EHD2: variants seen among roughly 807,000 people sequenced by gnomAD.
EHD2 encodes EH domain containing 2.
EHD2 carries 27 observed loss-of-function variants against 41.0 expected under a neutral mutation model. That is an observed-to-expected ratio of 0.66 (90% CI 0.49 to 0.91). The LOEUF (loss-of-function observed/expected upper bound fraction) is 0.91. Ranked by LOEUF, EHD2 falls within the 40% of genes least tolerant of loss-of-function variation. The probability of loss-of-function intolerance (pLI) is 0.00; values close to 1 mark genes in which losing one functional copy is unlikely to be tolerated. For synonymous variants in EHD2, 342 were observed against 341.0 expected, an observed-to-expected ratio of 1.00 and a Z score of -0.03; for missense variants, 673 against 773.9, an observed-to-expected ratio of 0.87 and a Z score of 1.55.
chr19:47,726,787 C>T (rs1973757997), intron 4 of EHD2, among the ~76,000 whole-genome samples: 1 of 152,148 alleles, frequency 6.6e-6, no homozygotes, highest in African/African-American at 2.4e-5. Flanking sequence ...AGTGATCCTT[C>T]CTCCTTAGCC....
chr19:47,740,765 A>G (rs1966977565), intron 5 of EHD2, 116 bp from the exon 6 acceptor site: 1 of 1,160,762 alleles, frequency 8.6e-7, no homozygotes, highest in Non-Finnish European at 1.2e-6. Context: ...ACAACAGTAA[A>G]AAAACCCCAC....
intron 1 of EHD2, 100 bp from the exon 2 acceptor site, chr19:47,716,458 C>T: frequency 1.3e-6 from 1 of 755,122 alleles, no homozygotes; most frequent in Middle Eastern, 3.6e-4. Flanking sequence ...TGCTCCTCCT[C>T]CTCCTCCACC....
intron 5 of EHD2, among the ~76,000 whole-genome samples, chr19:47,738,256 A>G (rs1314258966): frequency 6.6e-6 from 1 of 152,102 alleles, no homozygotes. Context: ...TGCACTGTCC[A>G]GTATGGTAGC....
At chr19:47,733,869 C>T (rs941252584) in intron 4 of EHD2, among the ~76,000 whole-genome samples, 4 of 151,860 alleles carry the variant, frequency 2.6e-5, no homozygotes, top group African/African-American at 7.3e-5. Context: ...CCACAGGAAC[C>T]CCCGAAAGGA....
intron 3 of EHD2, among the ~76,000 whole-genome samples, chr19:47,723,037 C>T (rs566041293): frequency 1.3e-5 from 2 of 152,330 alleles, no homozygotes; most frequent in South Asian, 4.1e-4. Context: ...CTTCGTCCTC[C>T]GGGTTCCCAC....
intron 4 of EHD2, among the ~76,000 whole-genome samples, chr19:47,733,920 A>G (rs1056524583): frequency 2.0e-5 from 3 of 152,152 alleles, no homozygotes; most frequent in South Asian, 2.1e-4. Flanking sequence ...CACTTCGTGA[A>G]TTGCTGCTGT....
intron 2 of EHD2, 24 bp downstream of exon 2, chr19:47,717,040 C>T (rs895907539): frequency 1.3e-5 from 20 of 1,598,200 alleles, no homozygotes; most frequent in African/African-American, 5.3e-5. Context: ...GAGCCCAGGG[C>T]GCATCTTTCT....
In EHD2 at chr19:47,731,267, T is replaced by TAAAAAAA. The variant is rs1168747038; in HGVS notation, c.915+5050_915+5056dup. ...TCAGCAGTCTAAATTTGTGATTCTTTAAAAAAAAAAAAATATATATATATA... is the reference window on the plus strand; with the variant it reads ...TCAGCAGTCTAAATTTGTGATTCTTTAAAAAAAAAAAAAAAAAAAATATATATATATA... On this transcript the variant is annotated intron_variant, in intron 4 of 5. Coordinates refer to ENST00000263277, the MANE Select transcript of EHD2 (RefSeq NM_014601.4). 108 of 65,150 alleles carry TAAAAAAA rather than the reference T, an allele frequency of 1.7e-3. 4 individuals carry two copies. Among genetic ancestry groups the TAAAAAAA allele is most frequent in the African/African-American group, 4.6e-3 (92 of 20,200 alleles). The allele number at this position is 65,150 out of a possible 1,614,324, so 4.0% of individuals were successfully genotyped here. A position where few individuals can be genotyped will look rare whatever the true frequency, so the allele number is the denominator to read the frequency against.
At chr19:47,740,758 A>G (rs1966977472) in intron 5 of EHD2, 123 bp from the exon 6 acceptor site, 2 of 1,066,836 alleles carry the variant, frequency 1.9e-6, no homozygotes, top group Admixed American at 6.0e-5. Flanking sequence ...AAAACAAACA[A>G]CAGTAAAAAA....
intron 4 of EHD2, among the ~76,000 whole-genome samples, chr19:47,728,559 T>TTTTC (rs1352542809): frequency 2.0e-5 from 3 of 149,146 alleles, no homozygotes; most frequent in African/African-American, 7.5e-5. Context: ...TTCTCTTTCT[T>TTTTC]TTTCTTTCTT....
rs374099727 is a variant in EHD2, at chr19:47,731,900, G to A, written c.916-4469G>A. ...CCTCCCGGGTTCACGCCATTCTCCT[G>A]CCTCAGCCTCCCGAGTAGCTGGGAC... On this transcript the variant is annotated intron_variant, in intron 4 of 5. Coordinates refer to ENST00000263277, the MANE Select transcript of EHD2 (RefSeq NM_014601.4). Among the ~76,000 whole-genome samples the A allele has an allele frequency of 2.0e-4, 30 of 146,412 alleles. No individual in the cohort carries two copies. In the East Asian group the frequency reaches 5.3e-3, roughly 26 times the overall value.
At chr19:47,734,791 G>A (rs1280288495) in intron 4 of EHD2, among the ~76,000 whole-genome samples, 2 of 151,784 alleles carry the variant, frequency 1.3e-5, no homozygotes, top group Non-Finnish European at 2.9e-5. Context: ...GGTGGCTCCC[G>A]CCTGTCATCC....
rs34254815 is a variant in EHD2 at position 47,733,751 on chromosome 19, C to CAAAAAAAAAAAAAAAAAA, written c.916-2611_916-2594dup. On this transcript the variant is annotated intron_variant, in intron 4 of 5. Coordinates refer to ENST00000263277, the MANE Select transcript of EHD2 (RefSeq NM_014601.4). The stretch of plus-strand genomic sequence containing the variant: ...TGGGTGACAGAGCAAGACTCTGTCT[C>CAAAAAAAAAAAAAAAAAA]AAAAAAAAAAAAAAAAAAAAAAAAT... Among the ~76,000 whole-genome samples, 51 of 57,116 alleles carry CAAAAAAAAAAAAAAAAAA rather than the reference C, an allele frequency of 8.9e-4. 2 individuals are homozygous for CAAAAAAAAAAAAAAAAAA. Among genetic ancestry groups the CAAAAAAAAAAAAAAAAAA allele is most frequent in the East Asian group, 2.4e-3 (3 of 1,226 alleles). The allele number at this position is 57,116 out of a possible 152,430, so 37.5% of individuals were successfully genotyped here. A position where few individuals can be genotyped will look rare whatever the true frequency, so the allele number is the denominator to read the frequency against.
chr19:47,730,028 G>A (rs1362992283), intron 4 of EHD2, among the ~76,000 whole-genome samples: 1 of 151,792 alleles, frequency 6.6e-6, no homozygotes, highest in Non-Finnish European at 1.5e-5. Flanking sequence ...TCGTTCCCGC[G>A]GGTCCCTTGG....
At chr19:47,717,149 G>A (rs930661601) in intron 2 of EHD2, 133 bp downstream of exon 2, 2 of 1,181,528 alleles carry the variant, frequency 1.7e-6, no homozygotes, top group African/African-American at 1.5e-5. Context: ...CTGGGTTCAA[G>A]CAATTCTCCT....
At position 47,718,539 on chromosome 19, in the gene EHD2, C is replaced by A; in HGVS notation, c.435C>A (p.Val145=). The change falls in exon 3 of 6, where the codon GTC becomes GTA. Residue 145 remains valine, a synonymous_variant. Transcript: ENST00000263277. ...TGTGTGCCCAGCTCCCTAATCAGGTCCTGGAGAGCATCAGCATCATCGACA... is the reference window on the plus strand; with the variant it reads ...TGTGTGCCCAGCTCCCTAATCAGGTACTGGAGAGCATCAGCATCATCGACA... ...RFMCAQLPNQ[V]LESISIIDTP... is the part of the protein sequence containing the mutation. 1 of 1,587,848 alleles carries A rather than the reference C, an allele frequency of 6.3e-7. No individual in the cohort carries two copies. The highest frequency in any genetic ancestry group is 8.6e-7 in the Non-Finnish European group (1 of 1,166,756).
In EHD2 at chr19:47,716,539, C is replaced by T; in HGVS notation, c.-55-19C>T. 11 of 1,433,304 alleles carry T rather than the reference C, an allele frequency of 7.7e-6. No homozygotes were observed. The South Asian group carries it at 1.0e-4, about 13-fold the overall frequency. The allele number at this position is 1,433,304 out of a possible 1,614,324, so 88.8% of individuals were successfully genotyped here. ...CTTGGCTGGGCCGCCTATGCTCATG[C>T]CCTCTCCCCCTCCCACAGGCAGCTC... On this transcript the variant is annotated intron_variant, in intron 1 of 5. Transcript: ENST00000263277.
rs1201191614 is a variant in EHD2, at chr19:47,736,419, T to C, written c.966T>C (p.Phe322=). The C allele has an allele frequency of 1.2e-6, 2 of 1,613,284 alleles. No individual in the cohort carries two copies. The part of the protein sequence containing the change: ...SYLKKEMPSV[F]GKENKKKQLI... ...TGAAGAAGGAGATGCCCTCTGTGTT[T>C]GGGAAGGAGAACAAGAAGAAGCAGC... The change falls in exon 5 of 6, where the codon TTT becomes TTC. Residue 322 remains phenylalanine, a synonymous_variant. Transcript: ENST00000263277.
At chr19:47,720,245 C>A (rs939396357) in intron 3 of EHD2, among the ~76,000 whole-genome samples, 2 of 152,036 alleles carry the variant, frequency 1.3e-5, no homozygotes, top group Admixed American at 6.6e-5. Context: ...CTCACTGCAA[C>A]CTTTGCCTCC....
Sources: gnomAD v4.1 joint callset for allele counts (sites outside exome capture counted in the v4.1 genomes callset) on GRCh38, gnomAD v4.1.1 for gene constraint, MANE v1.5 for transcripts, NCBI Gene and HGNC (gene_info 2026-07-23, HGNC 2026-07-21) for gene names.